The following EDIL3 variants were observed in gnomAD, a reference collection of about 807,000 sequenced individuals.
EDIL3 encodes EGF like and discoidin domains 3.
A neutral mutation model predicts 67.4 loss-of-function variants in EDIL3; 37 were observed. That is an observed-to-expected ratio of 0.55 (90% confidence interval 0.42 to 0.72). EDIL3 has a LOEUF of 0.72. EDIL3 is among the 30% of genes least tolerant of loss of function. EDIL3 has a pLI of 0.00. For synonymous variants in EDIL3, 195 were observed against 196.3 expected, an observed-to-expected ratio of 0.99 and a Z score of 0.05; for missense variants, 527 against 586.3, an observed-to-expected ratio of 0.90 and a Z score of 1.04.
intron 1 of EDIL3, among the ~76,000 whole-genome samples, chr5:84,321,990 G>A (rs946377324): frequency 6.6e-6 from 1 of 151,802 alleles, no homozygotes; most frequent in Non-Finnish European, 1.5e-5. Context: ...GAAAAGACCT[G>A]AGAAGACCTT....
At chr5:84,278,826 A>T (rs1158654714) in intron 1 of EDIL3, among the ~76,000 whole-genome samples, 1 of 152,030 alleles carries the variant, frequency 6.6e-6, no homozygotes. Context: ...GTTCTCTTTG[A>T]TATTTCTGAC....
intron 1 of EDIL3, among the ~76,000 whole-genome samples, chr5:84,337,339 G>T (rs2112172809): frequency 6.6e-6 from 1 of 152,226 alleles, no homozygotes; most frequent in South Asian, 2.1e-4. Flanking sequence ...AAAAGCTAAT[G>T]AAAACTGTCC....
intron 5 of EDIL3, among the ~76,000 whole-genome samples, chr5:84,121,832 G>A (rs1046203287): frequency 1.3e-5 from 2 of 151,938 alleles, no homozygotes; most frequent in African/African-American, 4.8e-5. Flanking sequence ...TCATAGCACT[G>A]AGCATTTAAA....
chr5:84,098,437 C>T (rs1747304922), intron 6 of EDIL3, among the ~76,000 whole-genome samples: 2 of 152,070 alleles, frequency 1.3e-5, no homozygotes. Context: ...TCTGGTATAT[C>T]ATTTGATTTC....
chr5:84,338,849 C>G (rs972859185), intron 1 of EDIL3, among the ~76,000 whole-genome samples: 2 of 152,140 alleles, frequency 1.3e-5, no homozygotes, highest in Non-Finnish European at 2.9e-5. Context: ...CACAGGGCCC[C>G]CATACTTTCA....
In EDIL3 at chr5:84,065,102, C is replaced by T. The variant is rs112800290; in HGVS notation, c.808-258G>A. 8.6e-4 allele frequency among the ~76,000 whole-genome samples: 131 copies of T among 152,212 alleles called. 1 individual carries two copies. Among genetic ancestry groups the T allele is most frequent in the African/African-American group, 2.9e-3 (120 of 41,548 alleles). On this transcript the variant is annotated intron_variant, in intron 7 of 10. Transcript: ENST00000296591. ...TGTGATGGTCTTGTCAATTTTAAGG[C>T]CAGTCTTTCAGAACCAGGGCAGCGC...
intron 2 of EDIL3, among the ~76,000 whole-genome samples, chr5:84,253,148 G>C (rs531970054): frequency 1.6e-4 from 24 of 152,180 alleles, no homozygotes; most frequent in Non-Finnish European, 2.9e-4. Context: ...TGGGTACAAT[G>C]ATGGGTAATT....
intron 9 of EDIL3, among the ~76,000 whole-genome samples, chr5:83,983,422 T>C (rs903454506): frequency 5.9e-5 from 9 of 152,128 alleles, no homozygotes; most frequent in African/African-American, 2.2e-4. Context: ...TTTTAAAATA[T>C]AGCAAGATCA....
intron 1 of EDIL3, among the ~76,000 whole-genome samples, chr5:84,296,124 G>A (rs1430034166): frequency 6.6e-6 from 1 of 152,156 alleles, no homozygotes; most frequent in East Asian, 1.9e-4. Context: ...TAGGTGATTT[G>A]TACACATCAG....
At chr5:84,098,337 A>G (rs557135688) in intron 6 of EDIL3, among the ~76,000 whole-genome samples, 1 of 152,216 alleles carries the variant, frequency 6.6e-6, no homozygotes, top group African/African-American at 2.4e-5. Context: ...AGTTTAAGCG[A>G]AGTACTCAAA....
chr5:84,151,289 A>G (rs1580350793), intron 4 of EDIL3, among the ~76,000 whole-genome samples: 1 of 151,888 alleles, frequency 6.6e-6, no homozygotes, highest in South Asian at 2.1e-4. Context: ...ACACACACAC[A>G]CACACACCCC....
At chr5:84,096,627 G>GACTTTGGACTGCAGACTTTTGAGTT (rs1421993515) in intron 6 of EDIL3, among the ~76,000 whole-genome samples, 1 of 152,122 alleles carries the variant, frequency 6.6e-6, no homozygotes, top group Non-Finnish European at 1.5e-5. Flanking sequence ...TTTCAGATGA[G>GACTTTGGACTGCAGACTTTTGAGTT]ACTTTGGACT....
intron 2 of EDIL3, among the ~76,000 whole-genome samples, chr5:84,253,706 C>T (rs1745075430): frequency 6.6e-6 from 1 of 151,784 alleles, no homozygotes; most frequent in Non-Finnish European, 1.5e-5. Flanking sequence ...TATTCGAAGT[C>T]CCTAAAAACA....
At chr5:84,378,216 A>C (rs969019978) in intron 1 of EDIL3, among the ~76,000 whole-genome samples, 3 of 152,198 alleles carry the variant, frequency 2.0e-5, no homozygotes, top group African/African-American at 7.2e-5. Flanking sequence ...TTCAAGCTTA[A>C]ACATTTTTGA....
At chr5:84,366,858 T>A (rs1031885267) in intron 1 of EDIL3, among the ~76,000 whole-genome samples, 2 of 152,206 alleles carry the variant, frequency 1.3e-5, no homozygotes, top group Admixed American at 6.5e-5. Context: ...CCGTCTGGCA[T>A]TTTTTCCAAT....
chr5:83,943,808 C>T (rs1430614119), intron 10 of EDIL3, among the ~76,000 whole-genome samples: 1 of 151,738 alleles, frequency 6.6e-6, no homozygotes, highest in Non-Finnish European at 1.5e-5. Flanking sequence ...TATCATTTTC[C>T]TCTACTTGTT....
chr5:84,206,616 T>C (rs1431594968), intron 3 of EDIL3, among the ~76,000 whole-genome samples: 1 of 152,050 alleles, frequency 6.6e-6, no homozygotes, highest in Admixed American at 6.5e-5. Flanking sequence ...TAGACCAATA[T>C]CCTTGATGAA....
chr5:84,370,915 TCATGCATGCATGCATGCATGCA>T (rs886661866), intron 1 of EDIL3, among the ~76,000 whole-genome samples: 3 of 151,974 alleles, frequency 2.0e-5, no homozygotes, highest in African/African-American at 7.3e-5. Context: ...GAGTTGTTCT[TCATGCATGCATGCATGCATGCA>T]TAAAGTCAGA....
Position 84,055,083 on chromosome 5 carries a change from A to G in EDIL3, c.1137+5217T>C, listed in dbSNP as rs1471910062. On this transcript the variant is annotated intron_variant, in intron 9 of 10. Coordinates refer to ENST00000296591, the MANE Select transcript of EDIL3 (RefSeq NM_005711.5). ...GTACTACAAGGCTACAGTAACCAAAACAGCATGGTACTGGTACCAAAACAG... is the reference window on the plus strand; with the variant it reads ...GTACTACAAGGCTACAGTAACCAAAGCAGCATGGTACTGGTACCAAAACAG... 4.1e-5 allele frequency among the ~76,000 whole-genome samples: 6 copies of G among 146,428 alleles called. 1 individual carries two copies. The highest frequency in any genetic ancestry group is 1.3e-4 in the African/African-American group (5 of 37,260).
Sources: gnomAD v4.1 joint callset for allele counts (sites outside exome capture counted in the v4.1 genomes callset) on GRCh38, gnomAD v4.1.1 for gene constraint, MANE v1.5 for transcripts, NCBI Gene and HGNC (gene_info 2026-07-23, HGNC 2026-07-21) for gene names.